Variants in AKAP13 observed in about 807,000 individuals in gnomAD.
The protein encoded by AKAP13 is A-kinase anchor protein 13.
AKAP13 carries 80 observed loss-of-function variants against 264.5 expected under a neutral mutation model. The ratio of observed to expected loss-of-function variants is 0.30; its 90% CI spans 0.25 to 0.36. The LOEUF (loss-of-function observed/expected upper bound fraction) is 0.36. AKAP13 is among the 10% of genes least tolerant of loss of function. The probability of loss-of-function intolerance (pLI) is 1.00; values close to 1 mark genes in which losing one functional copy is unlikely to be tolerated. For missense variants in AKAP13, 3,712 were observed against 3,435.2 expected (o/e 1.08, Z -2.01); for synonymous variants, 1,380 against 1,250.2 (o/e 1.10, Z -2.19).
chr15:85,413,870 A>G (rs1470948452), intron 1 of AKAP13, among the ~76,000 whole-genome samples: 1 of 152,184 alleles, frequency 6.6e-6, no homozygotes, highest in African/African-American at 2.4e-5. Context: ...GTCTTGGTAC[A>G]TGTATTTTGA....
At chr15:85,412,866 T>G (rs1596086152) in intron 1 of AKAP13, among the ~76,000 whole-genome samples, 1 of 152,268 alleles carries the variant, frequency 6.6e-6, no homozygotes, top group East Asian at 1.9e-4. Context: ...GACACTGCAC[T>G]GAACACCGTA....
At chr15:85,646,133 C>A (rs977833443) in intron 10 of AKAP13, among the ~76,000 whole-genome samples, 179 bp downstream of exon 10, 2 of 152,128 alleles carry the variant, frequency 1.3e-5, no homozygotes, top group Non-Finnish European at 2.9e-5. Flanking sequence ...CTCTGAGAGG[C>A]ATGTAAATGT....
chr15:85,482,603 G>GA (rs1421545058), intron 1 of AKAP13, among the ~76,000 whole-genome samples: 2 of 152,180 alleles, frequency 1.3e-5, no homozygotes, highest in Admixed American at 1.3e-4. Flanking sequence ...GATGTGGGGG[G>GA]AAAAACACAC....
chr15:85,740,942 T>G lies in AKAP13; in HGVS notation c.7609-104T>G, dbSNP rs527383470. The G allele has an allele frequency of 1.0e-4, 155 of 1,495,250 alleles. No individual in the cohort carries two copies. In the Admixed American group the frequency reaches 1.2e-3, roughly 11 times the overall value. The allele number at this position is 1,495,250 out of a possible 1,614,324, so 92.6% of individuals were successfully genotyped here. A position where few individuals can be genotyped will look rare whatever the true frequency, so the allele number is the denominator to read the frequency against. ...TTGAAAAATGAGGGGAGAGTTCTAGTCCGTCATAGTGCCTGGTGCCCCCTG... is the reference window on the plus strand; with the variant it reads ...TTGAAAAATGAGGGGAGAGTTCTAGGCCGTCATAGTGCCTGGTGCCCCCTG... On this transcript the variant is annotated intron_variant, in intron 34 of 36. Coordinates refer to ENST00000394518, the MANE Select transcript of AKAP13 (RefSeq NM_007200.5).
chr15:85,540,207 A>G (rs2077536729), intron 4 of AKAP13, among the ~76,000 whole-genome samples: 1 of 151,870 alleles, frequency 6.6e-6, no homozygotes, highest in Non-Finnish European at 1.5e-5. Context: ...GGAAGGGAAG[A>G]TCGTGGGCAG....
chr15:85,619,534 ATTTTCT>A (rs1266273119), intron 8 of AKAP13: 10 of 985,250 alleles, frequency 1.0e-5, no homozygotes, highest in Non-Finnish European at 1.2e-5. Flanking sequence ...GGAAAAGTAG[ATTTTCT>A]TTGTCTTTGT....
rs2088492365 is a variant in AKAP13, at chr15:85,736,259, C to G, written c.7557+125C>G. The G allele has an allele frequency of 4.1e-6, 3 of 738,476 alleles. No homozygotes were observed. In the South Asian group the frequency reaches 5.3e-5, roughly 13 times the overall value. The allele number at this position is 738,476 out of a possible 1,614,324, so 45.7% of individuals were successfully genotyped here. A position where few individuals can be genotyped will look rare whatever the true frequency, so the allele number is the denominator to read the frequency against. Reference sequence around the variant, plus strand: ...AAAGAGGCTAACTGCTGGCTATCATCTGTATGTGTAAACAATACAGTTGTC... The same window carrying G: ...AAAGAGGCTAACTGCTGGCTATCATGTGTATGTGTAAACAATACAGTTGTC... On this transcript the variant is annotated intron_variant, in intron 33 of 36. Transcript: ENST00000394518.
At chr15:85,738,898 A>G (rs1030054313) in intron 33 of AKAP13, among the ~76,000 whole-genome samples, 4 of 151,972 alleles carry the variant, frequency 2.6e-5, no homozygotes, top group Non-Finnish European at 4.4e-5. Flanking sequence ...AGCCTTCTAC[A>G]TAACATATCC....
At chr15:85,397,910 T>A (rs923333099) in intron 1 of AKAP13, among the ~76,000 whole-genome samples, 1 of 152,216 alleles carries the variant, frequency 6.6e-6, no homozygotes, top group Admixed American at 6.5e-5. Context: ...ATTTGCCAAG[T>A]GTAGTAGTAA....
intron 2 of AKAP13, among the ~76,000 whole-genome samples, chr15:85,495,283 G>C (rs2075839521): frequency 6.6e-6 from 1 of 152,036 alleles, no homozygotes; most frequent in South Asian, 2.1e-4. Context: ...TTCTTTACTG[G>C]TTTCCAACAT....
chr15:85,493,463 C>G (rs895717080), intron 2 of AKAP13, among the ~76,000 whole-genome samples: 15 of 152,066 alleles, frequency 9.9e-5, no homozygotes, highest in Non-Finnish European at 1.9e-4. Flanking sequence ...AGGTGATAAC[C>G]TTGTCTTTAT....
intron 5 of AKAP13, chr15:85,555,394 G>T: frequency 7.8e-7 from 1 of 1,282,144 alleles, no homozygotes; most frequent in South Asian, 1.2e-5. Context: ...TTTAGGAGGG[G>T]TAACCAGGCT....
rs143088796 is a variant in AKAP13, at chr15:85,485,327, T to C, written c.-11-383T>C. 3.7e-4 allele frequency among the ~76,000 whole-genome samples: 57 copies of C among 152,278 alleles called. No homozygotes were observed. In the East Asian group the frequency reaches 8.5e-3, roughly 23 times the overall value. ...CACTTTCCAGGCTCCCTAGTAAGAC[T>C]GCAAGAAGTCCCTGAGTAAACAGCA... On this transcript the variant is annotated intron_variant, in intron 1 of 36. Coordinates refer to ENST00000394518, the MANE Select transcript of AKAP13 (RefSeq NM_007200.5).
At position 85,556,338 on chromosome 15, in the gene AKAP13, A is replaced by G. The variant is rs192524328; in HGVS notation, c.662+12383A>G. On this transcript the variant is annotated intron_variant, in intron 5 of 36. Transcript: ENST00000394518. ...CAGTAGGTTTGCTTTCACCAGTATC[A>G]CTGCAGATATGCAGTGCATTACAAC... Among the ~76,000 whole-genome samples, 140 of 152,314 alleles carry G rather than the reference A, an allele frequency of 9.2e-4. 2 individuals carry two copies. The highest frequency in any genetic ancestry group is 2.6e-3 in the African/African-American group (108 of 41,570).
chr15:85,653,285 A>G (rs1380558455), intron 10 of AKAP13, among the ~76,000 whole-genome samples: 1 of 152,218 alleles, frequency 6.6e-6, no homozygotes, highest in Admixed American at 6.5e-5. Flanking sequence ...TTTTAAAAAG[A>G]TGATTGAGAT....
chr15:85,407,533 C>G (rs1412836004), intron 1 of AKAP13, among the ~76,000 whole-genome samples: 3 of 151,616 alleles, frequency 2.0e-5, no homozygotes, highest in Admixed American at 6.5e-5. Flanking sequence ...AGCCATCGTG[C>G]CCGGCCTGTG....
chr15:85,529,535 G>C (rs2077183911), intron 3 of AKAP13, among the ~76,000 whole-genome samples: 1 of 152,206 alleles, frequency 6.6e-6, no homozygotes. Flanking sequence ...GATAGTAAGA[G>C]GTTTGGTGTA....
intron 8 of AKAP13, among the ~76,000 whole-genome samples, chr15:85,620,329 A>C (rs752506114): frequency 5.5e-4 from 84 of 152,320 alleles, no homozygotes; most frequent in Non-Finnish European, 9.3e-4. Flanking sequence ...TCTTAAAGGA[A>C]TATCTGAACA....
intron 9 of AKAP13, among the ~76,000 whole-genome samples, chr15:85,640,266 T>C (rs2151475462): frequency 6.6e-6 from 1 of 152,358 alleles, no homozygotes; most frequent in East Asian, 1.9e-4. Context: ...AAGTGAATAC[T>C]AGTAATTTGC....
Sources: allele counts gnomAD v4.1 joint callset (sites outside exome capture counted in the v4.1 genomes callset), GRCh38; gene constraint gnomAD v4.1.1; transcripts MANE v1.5; gene names NCBI Gene and HGNC (gene_info 2026-07-23, HGNC 2026-07-21).